The following C12orf42 variants were observed in gnomAD, a reference collection of about 807,000 sequenced individuals.
C12orf42 encodes the protein chromosome 12 open reading frame 42, also known as uncharacterized protein C12orf42.
A neutral mutation model predicts 21.6 loss-of-function variants in C12orf42; 25 were observed. The ratio of observed to expected loss-of-function variants is 1.16; its 90% CI spans 0.84 to 1.62. The LOEUF (loss-of-function observed/expected upper bound fraction) is 1.62, where lower values mean the gene tolerates loss of function less well. Among genes scored for constraint, C12orf42 ranks in the 40% most tolerant of loss-of-function variants. The pLI, the probability that C12orf42 is intolerant of heterozygous loss-of-function variation, is 0.00. For missense variants in C12orf42, 483 were observed against 459.3 expected (o/e 1.05, Z -0.47); for synonymous variants, 174 against 175.0 (o/e 0.99, Z 0.05).
chr12:103,110,819 C>G, the C12orf42 span, among the ~76,000 whole-genome samples: 2 of 152,120 alleles, frequency 1.3e-5, no homozygotes, highest in East Asian at 3.8e-4. Flanking sequence ...ACAGATTTGG[C>G]AAGGGTTTTA....
the C12orf42 span, among the ~76,000 whole-genome samples, chr12:103,218,410 C>A: frequency 6.6e-6 from 1 of 152,118 alleles, no homozygotes; most frequent in Admixed American, 6.5e-5. Flanking sequence ...AAAATAATTT[C>A]AAGTTGACAG....
the C12orf42 span, among the ~76,000 whole-genome samples, chr12:103,513,566 A>T: frequency 1.3e-5 from 2 of 152,334 alleles, no homozygotes; most frequent in South Asian, 4.1e-4. Context: ...CAACCAAAAA[A>T]AGAAAAAGCT....
chr12:103,133,055 T>C, the C12orf42 span, among the ~76,000 whole-genome samples: 17 of 152,172 alleles, frequency 1.1e-4, no homozygotes, highest in African/African-American at 4.1e-4. Flanking sequence ...CATTCTCCAG[T>C]GCTTGAGTGG....
chr12:103,346,045 T>C (rs1014406530), intron 4 of C12orf42, among the ~76,000 whole-genome samples: 1 of 151,224 alleles, frequency 6.6e-6, no homozygotes, highest in Non-Finnish European at 1.5e-5. Context: ...GAATTTTTCA[T>C]AATAATTGAA....
chr12:103,177,254 T>C, the C12orf42 span, among the ~76,000 whole-genome samples: 1 of 152,184 alleles, frequency 6.6e-6, no homozygotes, highest in Non-Finnish European at 1.5e-5. Context: ...TCTGACACAA[T>C]GGCCCTTGGA....
At chr12:103,418,328 C>T (rs556185429) in intron 2 of C12orf42, among the ~76,000 whole-genome samples, 11 of 152,146 alleles carry the variant, frequency 7.2e-5, no homozygotes, top group South Asian at 6.2e-4. Flanking sequence ...TAGGATCATA[C>T]GGCCTACTCT....
At chr12:103,075,956 C>T in the C12orf42 span, among the ~76,000 whole-genome samples, 2 of 152,036 alleles carry the variant, frequency 1.3e-5, no homozygotes, top group Admixed American at 1.3e-4. Flanking sequence ...GTTTAGTGAA[C>T]AGAAGGAAAG....
chr12:103,465,156 A>G (rs567542554), intron 2 of C12orf42, among the ~76,000 whole-genome samples: 163 of 152,304 alleles, frequency 1.1e-3, no homozygotes, highest in Middle Eastern at 6.8e-3. Flanking sequence ...TGTTAGTTTA[A>G]TGGGAAGAGC....
At position 103,478,350 on chromosome 12, in the gene C12orf42, T is replaced by C; in HGVS notation, c.77A>G (p.Gln26Arg). The change falls in exon 2 of 6, where the codon CAG (glutamine) becomes CGG (arginine). Residue 26 changes from glutamine to arginine, a missense_variant and splice_region_variant. Coordinates refer to ENST00000548883, the MANE Select transcript of C12orf42 (RefSeq NM_198521.5). ...LTIRPFANRM[Q>R]KSPCYIPIVS... ...AATATAGTATCTCTTATGCATTACC[T>C]GCATCCTGTTTGCAAAAGGTCTGAT... 6.3e-7 allele frequency: 1 copy of C among 1,593,796 alleles called. No homozygotes were observed. The highest frequency in any genetic ancestry group is 2.2e-5 in the East Asian group (1 of 44,596).
chr12:103,107,835 G>C, the C12orf42 span, among the ~76,000 whole-genome samples: 1 of 151,270 alleles, frequency 6.6e-6, no homozygotes, highest in African/African-American at 2.4e-5. Flanking sequence ...TCTCTAGCTT[G>C]ACTGATTGAA....
the C12orf42 span, among the ~76,000 whole-genome samples, chr12:103,111,015 T>TCAAAA: frequency 6.6e-6 from 1 of 152,200 alleles, no homozygotes; most frequent in Non-Finnish European, 1.5e-5. Context: ...TTGGTTTTAA[T>TCAAAA]CAAAACTCTA....
intron 4 of C12orf42, among the ~76,000 whole-genome samples, chr12:103,294,474 T>C (rs201864794): frequency 0.062 from 4,967 of 79,566 alleles, 169 homozygotes; most frequent in East Asian, 0.16. Flanking sequence ...AAGAAAGAAA[T>C]AAGCAAGCAA....
intron 2 of C12orf42, among the ~76,000 whole-genome samples, chr12:103,447,200 C>T (rs999113709): frequency 4.6e-5 from 7 of 151,906 alleles, no homozygotes; most frequent in Admixed American, 6.6e-5. Context: ...AAATCAACTC[C>T]AAAAGGAATC....
chr12:103,291,401 T>G (rs1490829189), intron 4 of C12orf42, among the ~76,000 whole-genome samples: 4 of 152,182 alleles, frequency 2.6e-5, no homozygotes, highest in Admixed American at 2.6e-4. Context: ...AGTTGTTGGC[T>G]TCATGCAGCA....
chr12:103,120,819 A>G, the C12orf42 span, among the ~76,000 whole-genome samples: 1 of 150,266 alleles, frequency 6.7e-6, no homozygotes, highest in Non-Finnish European at 1.5e-5. Flanking sequence ...CATGTATTAT[A>G]TACTATAATA....
chr12:103,097,286 T>G, the C12orf42 span, among the ~76,000 whole-genome samples: 1 of 152,148 alleles, frequency 6.6e-6, no homozygotes, highest in Non-Finnish European at 1.5e-5. Flanking sequence ...TCATAGCACT[T>G]CTTGTGAAAT....
At chr12:103,487,450 T>C (rs1954911121) in intron 1 of C12orf42, among the ~76,000 whole-genome samples, 1 of 152,094 alleles carries the variant, frequency 6.6e-6, no homozygotes, top group Admixed American at 6.5e-5. Flanking sequence ...GGGTGGAGAG[T>C]TCTGTAGATG....
the C12orf42 span, among the ~76,000 whole-genome samples, chr12:103,225,096 T>C: frequency 1.5e-5 from 2 of 136,888 alleles, no homozygotes; most frequent in African/African-American, 5.1e-5. Context: ...TCAGGGTCAG[T>C]CTAAGTGAAA....
the C12orf42 span, among the ~76,000 whole-genome samples, chr12:103,534,957 C>A: frequency 6.6e-6 from 1 of 152,286 alleles, no homozygotes; most frequent in East Asian, 1.9e-4. Context: ...TCCTGTAATA[C>A]AACCACAACA....
Sources: allele counts gnomAD v4.1 joint callset (sites outside exome capture counted in the v4.1 genomes callset), GRCh38; gene constraint gnomAD v4.1.1; transcripts MANE v1.5; gene names NCBI Gene and HGNC (gene_info 2026-07-23, HGNC 2026-07-21).